The following KCNQ5 variants were observed in gnomAD, a reference collection of about 807,000 sequenced individuals.
The protein encoded by KCNQ5 is potassium voltage-gated channel subfamily KQT member 5.
In KCNQ5, 30 loss-of-function variants were observed where a neutral mutation model predicts 98.2. The ratio of observed to expected loss-of-function variants is 0.31; its 90% CI spans 0.23 to 0.41. The LOEUF (loss-of-function observed/expected upper bound fraction) is 0.41, where lower values mean the gene tolerates loss of function less well. KCNQ5 is among the 10% of genes least tolerant of loss of function. KCNQ5 has a pLI of 1.00. For synonymous variants in KCNQ5, 458 were observed against 449.4 expected (o/e 1.02, Z -0.24); for missense variants, 835 against 1,182.5 (o/e 0.71, Z 4.31).
intron 1 of KCNQ5, among the ~76,000 whole-genome samples, chr6:72,743,953 C>G (rs1198498017): frequency 6.6e-6 from 1 of 152,178 alleles, no homozygotes; most frequent in Non-Finnish European, 1.5e-5. Flanking sequence ...TTCATTTCTC[C>G]CTCATGCTTC....
chr6:73,088,592 T>C (rs531743816), intron 5 of KCNQ5, among the ~76,000 whole-genome samples: 11 of 152,330 alleles, frequency 7.2e-5, no homozygotes, highest in African/African-American at 2.4e-4. Flanking sequence ...ATCACCCTGT[T>C]ACTGATTCTA....
At chr6:72,696,459 G>C (rs765532117) in intron 1 of KCNQ5, among the ~76,000 whole-genome samples, 1 of 152,088 alleles carries the variant, frequency 6.6e-6, no homozygotes, top group Admixed American at 6.5e-5. Flanking sequence ...TTTTAAATGA[G>C]TGTATTAGGC....
intron 1 of KCNQ5, among the ~76,000 whole-genome samples, chr6:72,751,932 A>T (rs1323060438): frequency 6.6e-6 from 1 of 152,194 alleles, no homozygotes; most frequent in Non-Finnish European, 1.5e-5. Context: ...ATATTTATAT[A>T]AATTTCACCA....
intron 1 of KCNQ5, among the ~76,000 whole-genome samples, chr6:72,934,258 A>G (rs575239071): frequency 1.3e-5 from 2 of 152,310 alleles, no homozygotes; most frequent in African/African-American, 4.8e-5. Flanking sequence ...CCCTAAATTA[A>G]TTATGGCAAC....
At chr6:73,101,184 A>G (rs913940765) in intron 5 of KCNQ5, among the ~76,000 whole-genome samples, 1 of 152,236 alleles carries the variant, frequency 6.6e-6, no homozygotes, top group Non-Finnish European at 1.5e-5. Context: ...AAATGCATTT[A>G]AAAAAGAAAA....
At chr6:72,966,007 A>G (rs879271201) in intron 1 of KCNQ5, among the ~76,000 whole-genome samples, 3 of 152,162 alleles carry the variant, frequency 2.0e-5, no homozygotes, top group Non-Finnish European at 4.4e-5. Context: ...CGTGTGCTGG[A>G]GCAGAAGGGG....
At chr6:73,096,239 G>C (rs891504737) in intron 5 of KCNQ5, among the ~76,000 whole-genome samples, 1 of 150,114 alleles carries the variant, frequency 6.7e-6, no homozygotes, top group Admixed American at 6.7e-5. Flanking sequence ...GATCTGGGAT[G>C]GTTTTCTGTG....
At chr6:72,768,908 C>T (rs1772713176) in intron 1 of KCNQ5, among the ~76,000 whole-genome samples, 2 of 152,124 alleles carry the variant, frequency 1.3e-5, no homozygotes, top group South Asian at 4.2e-4. Context: ...ATTTCACTGC[C>T]CACTTCACAA....
At chr6:73,020,550 C>A (rs1474323491) in intron 2 of KCNQ5, among the ~76,000 whole-genome samples, 1 of 152,076 alleles carries the variant, frequency 6.6e-6, no homozygotes, top group African/African-American at 2.4e-5. Context: ...TGCTTCATTA[C>A]ATAGACATGA....
intron 1 of KCNQ5, among the ~76,000 whole-genome samples, chr6:72,694,160 CT>C (rs1241837171): frequency 1.3e-5 from 2 of 151,808 alleles, no homozygotes; most frequent in African/African-American, 2.4e-5. Flanking sequence ...AATATGGATC[CT>C]TTTTTTTCTA....
At chr6:73,165,489 C>A (rs1344339876) in intron 10 of KCNQ5, among the ~76,000 whole-genome samples, 1 of 152,186 alleles carries the variant, frequency 6.6e-6, no homozygotes. Flanking sequence ...ATTTCCAAGG[C>A]TCCTTTGGGT....
intron 1 of KCNQ5, among the ~76,000 whole-genome samples, chr6:72,838,023 T>C (rs1254440282): frequency 1.3e-5 from 2 of 151,970 alleles, no homozygotes; most frequent in East Asian, 1.9e-4. Context: ...TACATATGTA[T>C]ACATGTGTCA....
rs1229678088 is a variant in KCNQ5, at chr6:73,051,731, A to AAAAAAAAAAC, written c.616+9670_616+9679dup. Among the ~76,000 whole-genome samples, 73 of 132,204 alleles carry AAAAAAAAAAC rather than the reference A, an allele frequency of 5.5e-4. 5 individuals are homozygous for AAAAAAAAAAC. Among genetic ancestry groups the AAAAAAAAAAC allele is most frequent in the Non-Finnish European group, 5.6e-4 (35 of 63,058 alleles). 86.7% of individuals were successfully genotyped at this position (132,204 alleles called of 152,430 possible). A position where few individuals can be genotyped will look rare whatever the true frequency, so the allele number is the denominator to read the frequency against. The stretch of plus-strand genomic sequence containing the variant: ...AAAAAAAAAAAAAAAAAAAAAAAAA[A>AAAAAAAAAAC]AAAAAAAAACTATCCAAAGGACAGC... On this transcript the variant is annotated intron_variant, in intron 3 of 13. Transcript: ENST00000370398.
chr6:73,065,293 T>G (rs1346511774), intron 3 of KCNQ5, among the ~76,000 whole-genome samples: 1 of 152,150 alleles, frequency 6.6e-6, no homozygotes, highest in Non-Finnish European at 1.5e-5. Flanking sequence ...AGCCTTAGAC[T>G]CCCTCGTTTG....
intron 1 of KCNQ5, among the ~76,000 whole-genome samples, chr6:72,924,596 A>G (rs1780541983): frequency 6.6e-6 from 1 of 152,208 alleles, no homozygotes; most frequent in Admixed American, 6.5e-5. Context: ...ATTCATGCTC[A>G]GAGCTCTCAC....
intron 1 of KCNQ5, among the ~76,000 whole-genome samples, chr6:72,858,631 A>T (rs911913126): frequency 1.3e-5 from 2 of 151,424 alleles, no homozygotes; most frequent in Admixed American, 6.6e-5. Flanking sequence ...TAATTTTTCC[A>T]TTATTTTATT....
At chr6:72,732,089 AG>A (rs1770583761) in intron 1 of KCNQ5, among the ~76,000 whole-genome samples, 1 of 152,164 alleles carries the variant, frequency 6.6e-6, no homozygotes, top group Non-Finnish European at 1.5e-5. Context: ...AACCTCAGTA[AG>A]GGGTTAAAAT....
chr6:72,859,679 T>G (rs1480850492), intron 1 of KCNQ5, among the ~76,000 whole-genome samples: 1 of 152,044 alleles, frequency 6.6e-6, no homozygotes, highest in Non-Finnish European at 1.5e-5. Context: ...CTCCCCAGGC[T>G]CAGGTGATCC....
At chr6:72,899,098 T>G (rs561648439) in intron 1 of KCNQ5, among the ~76,000 whole-genome samples, 46 of 152,334 alleles carry the variant, frequency 3.0e-4, no homozygotes, top group African/African-American at 1.1e-3. Context: ...ATGGGTAGAT[T>G]GCAAAAATTT....
Sources: gnomAD v4.1 joint callset for allele counts (sites outside exome capture counted in the v4.1 genomes callset) on GRCh38, gnomAD v4.1.1 for gene constraint, MANE v1.5 for transcripts, NCBI Gene and HGNC (gene_info 2026-07-23, HGNC 2026-07-21) for gene names.